Variants in PRELID2 observed in about 807,000 individuals in gnomAD.
The protein encoded by PRELID2 is PRELI domain-containing protein 2.
PRELID2 carries 25 observed loss-of-function variants against 28.4 expected under a neutral mutation model. The ratio of observed to expected loss-of-function variants is 0.88; its 90% CI spans 0.64 to 1.23. The LOEUF is 1.23. Ranked by LOEUF, PRELID2 falls within the 50% of genes most tolerant of loss-of-function variation. The pLI is 0.00. For missense variants in PRELID2, 201 were observed against 214.4 expected (o/e 0.94, Z 0.39); for synonymous variants, 76 against 71.6 (o/e 1.06, Z -0.31).
chr5:145,579,917 A>G (rs917297985), intron 1 of PRELID2, among the ~76,000 whole-genome samples: 7 of 152,032 alleles, frequency 4.6e-5, no homozygotes, highest in African/African-American at 1.7e-4. Flanking sequence ...CCTATATTTC[A>G]ACTAGAAGAC....
the PRELID2 span, among the ~76,000 whole-genome samples, chr5:145,336,623 A>G: frequency 6.6e-6 from 1 of 152,080 alleles, no homozygotes; most frequent in African/African-American, 2.4e-5. Flanking sequence ...GTTCTGTTCC[A>G]TTGATCTATG....
At chr5:145,469,385 T>C (rs966701462), downstream of PRELID2, among the ~76,000 whole-genome samples, 3 of 152,132 alleles carry the variant, frequency 2.0e-5, no homozygotes, top group African/African-American at 7.2e-5. Flanking sequence ...GTCCTTTACC[T>C]ATGGATAAAA....
intron 1 of PRELID2, among the ~76,000 whole-genome samples, chr5:145,558,142 G>A (rs952495311): frequency 1.3e-5 from 2 of 152,162 alleles, no homozygotes; most frequent in Non-Finnish European, 1.5e-5. Context: ...TAAACTCTCC[G>A]ACATTTGGTT....
At chr5:145,643,242 A>T (rs1244323463) in intron 1 of PRELID2, among the ~76,000 whole-genome samples, 1 of 152,092 alleles carries the variant, frequency 6.6e-6, no homozygotes, top group Non-Finnish European at 1.5e-5. Flanking sequence ...ATCCCTTGTA[A>T]ATTGGATTCC....
At chr5:145,824,423 G>GGC (rs1561653791) in intron 1 of PRELID2, among the ~76,000 whole-genome samples, 73 of 55,282 alleles carry the variant, frequency 1.3e-3, no homozygotes, top group African/African-American at 4.0e-3. Flanking sequence ...ACCCACAGCA[G>GGC]GCGTGTGTGT....
the PRELID2 span, among the ~76,000 whole-genome samples, chr5:145,269,271 G>T: frequency 6.6e-6 from 1 of 152,066 alleles, no homozygotes; most frequent in South Asian, 2.1e-4. Flanking sequence ...CAATTAGTAT[G>T]TTCATGCAGT....
At chr5:145,724,002 T>C (rs1374369748) in intron 1 of PRELID2, among the ~76,000 whole-genome samples, 2 of 152,216 alleles carry the variant, frequency 1.3e-5, no homozygotes, top group African/African-American at 2.4e-5. Context: ...AATGGAATGC[T>C]ATGCATTTGT....
At chr5:145,501,601 C>T (rs1455267024) in intron 1 of PRELID2, among the ~76,000 whole-genome samples, 1 of 152,130 alleles carries the variant, frequency 6.6e-6, no homozygotes, top group African/African-American at 2.4e-5. Flanking sequence ...TCTCTTGCTG[C>T]CTCCAGGTAT....
chr5:145,231,133 C>G, the PRELID2 span, among the ~76,000 whole-genome samples: 2 of 152,192 alleles, frequency 1.3e-5, 1 homozygote, highest in Non-Finnish European at 2.9e-5. Flanking sequence ...TTAAAAACCA[C>G]CACAGGGTCT....
chr5:145,487,019 C>G (rs1752223730), intron 1 of PRELID2, among the ~76,000 whole-genome samples: 1 of 143,022 alleles, frequency 7.0e-6, no homozygotes, highest in Non-Finnish European at 1.5e-5. Flanking sequence ...CATATTCTCA[C>G]TCATAGGTGG....
the PRELID2 span, among the ~76,000 whole-genome samples, chr5:145,274,923 A>G: frequency 6.6e-6 from 1 of 152,022 alleles, no homozygotes; most frequent in Non-Finnish European, 1.5e-5. Flanking sequence ...AGGTGTCAGC[A>G]AGTTTGATTT....
rs980653773 is a variant in PRELID2 at position 145,817,878 on chromosome 5, T to A, written c.368+16A>T. On this transcript the variant is annotated intron_variant, in intron 4 of 6. Transcript: ENST00000683046. Reference sequence around the variant, plus strand: ...CCTGCAACCAAAACACACACACATATACACACGAGTCTTACCAATTTGGGT... The same window carrying A: ...CCTGCAACCAAAACACACACACATAAACACACGAGTCTTACCAATTTGGGT... 4 of 1,532,186 alleles carry A rather than the reference T, an allele frequency of 2.6e-6. No homozygotes were observed. In the South Asian group the frequency reaches 3.9e-5, roughly 15 times the overall value. The allele number at this position is 1,532,186 out of a possible 1,614,324, so 94.9% of individuals were successfully genotyped here. A position where few individuals can be genotyped will look rare whatever the true frequency, so the allele number is the denominator to read the frequency against.
intron 1 of PRELID2, among the ~76,000 whole-genome samples, chr5:145,529,333 A>T (rs1203932892): frequency 6.6e-6 from 1 of 152,192 alleles, no homozygotes; most frequent in Non-Finnish European, 1.5e-5. Flanking sequence ...ATGAGAACAC[A>T]TGAGCAAACA....
intron 5 of PRELID2, among the ~76,000 whole-genome samples, chr5:145,786,968 T>C (rs17103749): frequency 0.029 from 4,413 of 152,344 alleles, 199 homozygotes; most frequent in African/African-American, 0.099. Flanking sequence ...TTGCCCGCAT[T>C]GTTTCAGTGA....
At chr5:145,468,233 A>G (rs578207353), downstream of PRELID2, among the ~76,000 whole-genome samples, 122 of 152,262 alleles carry the variant, frequency 8.0e-4, no homozygotes, top group African/African-American at 2.7e-3. Flanking sequence ...ATGTCCCTAC[A>G]AAGGACATGA....
chr5:145,655,159 A>G (rs1754371272), intron 1 of PRELID2, among the ~76,000 whole-genome samples: 2 of 151,982 alleles, frequency 1.3e-5, no homozygotes, highest in South Asian at 4.2e-4. Context: ...ATTGCTTCAA[A>G]GAGAATAAAA....
At chr5:145,280,166 T>C in the PRELID2 span, among the ~76,000 whole-genome samples, 4 of 152,150 alleles carry the variant, frequency 2.6e-5, no homozygotes, top group Non-Finnish European at 4.4e-5. Flanking sequence ...CTTGATGAGT[T>C]TGTTTGAAAC....
chr5:145,666,505 T>C (rs1036351863), intron 1 of PRELID2, among the ~76,000 whole-genome samples: 1 of 152,080 alleles, frequency 6.6e-6, no homozygotes, highest in Admixed American at 6.6e-5. Flanking sequence ...ATAACAACTG[T>C]ACATACACAC....
chr5:145,422,155 A>G, the PRELID2 span, among the ~76,000 whole-genome samples: 1 of 146,272 alleles, frequency 6.8e-6, no homozygotes, highest in Non-Finnish European at 1.5e-5. Context: ...ACTTCCAACT[A>G]TGTGGTCAAT....
Sources: allele counts gnomAD v4.1 joint callset (sites outside exome capture counted in the v4.1 genomes callset), GRCh38; gene constraint gnomAD v4.1.1; transcripts MANE v1.5; gene names NCBI Gene and HGNC (gene_info 2026-07-23, HGNC 2026-07-21).